DACH2: variants seen among roughly 807,000 people sequenced by gnomAD.
DACH2 encodes the protein dachshund family transcription factor 2.
DACH2 carries 17 observed loss-of-function variants against 35.8 expected under a neutral mutation model. The observed-to-expected ratio is 0.48, with a 90% CI of 0.33 to 0.71. The LOEUF is 0.71. DACH2 is among the 30% of genes least tolerant of loss of function. DACH2 has a pLI of 0.02. For synonymous variants in DACH2, 195 were observed against 177.3 expected (o/e 1.10, Z -0.79); for missense variants, 469 against 472.7 (o/e 0.99, Z 0.07).
chrX:86,257,181 G>A (rs931245696), intron 1 of DACH2, among the ~76,000 whole-genome samples: 24 of 111,223 alleles, frequency 2.2e-4, no homozygotes, highest in African/African-American at 7.8e-4. Flanking sequence ...CGTATTGATT[G>A]TATTTTTAGG....
chrX:86,653,848 G>A (rs1479878793), intron 4 of DACH2, among the ~76,000 whole-genome samples: 1 of 109,021 alleles, frequency 9.2e-6, no homozygotes, highest in East Asian at 2.9e-4. Flanking sequence ...TGTACTTTTA[G>A]TAGAGAAGGG....
intron 3 of DACH2, among the ~76,000 whole-genome samples, chrX:86,576,378 T>A (rs1022532120): frequency 3.6e-5 from 4 of 112,089 alleles, no homozygotes; most frequent in Admixed American, 9.5e-5. Flanking sequence ...GCATCCTTTT[T>A]AAAAACATAC....
At chrX:86,303,728 C>CTATATA (rs35224476) in intron 1 of DACH2, among the ~76,000 whole-genome samples, 1,585 of 105,911 alleles carry the variant, frequency 0.015, 16 homozygotes, top group African/African-American at 0.022. Context: ...TGTGAACATA[C>CTATATA]TATATATATA....
chrX:86,528,065 A>T (rs2038659355), intron 3 of DACH2, among the ~76,000 whole-genome samples: 1 of 111,472 alleles, frequency 9.0e-6, no homozygotes, highest in African/African-American at 3.3e-5. Context: ...AGGGCATATT[A>T]TCTGGGGATG....
chrX:86,400,380 G>T (rs1393955008), intron 2 of DACH2, among the ~76,000 whole-genome samples: 2 of 111,247 alleles, frequency 1.8e-5, no homozygotes, highest in African/African-American at 3.3e-5. Context: ...CTCTCAACTT[G>T]TCAAAGTCAT....
At chrX:86,441,922 G>T (rs2037170302) in intron 2 of DACH2, among the ~76,000 whole-genome samples, 1 of 106,938 alleles carries the variant, frequency 9.4e-6, no homozygotes, top group African/African-American at 3.4e-5. Flanking sequence ...TTGCTCTGTT[G>T]TGCAGTCTAG....
At chrX:86,748,945 G>A (rs918374202) in intron 7 of DACH2, among the ~76,000 whole-genome samples, 21 of 111,591 alleles carry the variant, frequency 1.9e-4, no homozygotes, top group African/African-American at 6.8e-4. Context: ...ATCCACACTC[G>A]CTGCTTCACC....
At chrX:86,428,941 A>G (rs1005016350) in intron 2 of DACH2, among the ~76,000 whole-genome samples, 2 of 111,325 alleles carry the variant, frequency 1.8e-5, no homozygotes, top group African/African-American at 3.3e-5. Flanking sequence ...ATAAAATTGT[A>G]TATACACGAT....
chrX:86,192,241 T>C (rs963839632), intron 1 of DACH2, among the ~76,000 whole-genome samples: 1 of 112,078 alleles, frequency 8.9e-6, no homozygotes, highest in Non-Finnish European at 1.9e-5. Flanking sequence ...TGGCATTTTG[T>C]GCTTGTGACT....
chrX:86,813,635 A>G (rs1455930046), intron 9 of DACH2, among the ~76,000 whole-genome samples: 2 of 54,287 alleles, frequency 3.7e-5, no homozygotes, highest in African/African-American at 1.1e-4. Context: ...AATAATGGTA[A>G]TAATAATAAT....
chrX:86,337,801 C>T (rs2035340082), intron 1 of DACH2, among the ~76,000 whole-genome samples: 1 of 111,550 alleles, frequency 9.0e-6, no homozygotes, highest in South Asian at 3.7e-4. Flanking sequence ...CATCAGTGTG[C>T]TGTATTCAGG....
chrX:86,795,976 T>C (rs2042233159), intron 7 of DACH2, among the ~76,000 whole-genome samples: 1 of 111,154 alleles, frequency 9.0e-6, no homozygotes, highest in Non-Finnish European at 1.9e-5. Context: ...AGCAGCAAGA[T>C]TTATTGTGAA....
At chrX:86,816,126 T>C in intron 11 of DACH2, 27 bp downstream of exon 11, 1 of 1,087,671 alleles carries the variant, frequency 9.2e-7, no homozygotes, top group Non-Finnish European at 1.2e-6. Flanking sequence ...ACTTCTTTCT[T>C]TGACTGCTTA....
chrX:86,808,404 T>C (rs2042364467), intron 7 of DACH2, among the ~76,000 whole-genome samples: 1 of 111,788 alleles, frequency 8.9e-6, no homozygotes, highest in African/African-American at 3.2e-5. Flanking sequence ...GCTTTCTGTT[T>C]TCATTTATCT....
At chrX:86,529,336 C>T (rs1255215973) in intron 3 of DACH2, among the ~76,000 whole-genome samples, 4 of 110,648 alleles carry the variant, frequency 3.6e-5, no homozygotes, top group African/African-American at 1.3e-4. Context: ...TGAGCCACTG[C>T]ACCTGGCCTT....
intron 6 of DACH2, among the ~76,000 whole-genome samples, chrX:86,731,937 T>A (rs1355270355): frequency 8.9e-6 from 1 of 112,373 alleles, no homozygotes; most frequent in Non-Finnish European, 1.9e-5. Context: ...ATAGCAACAC[T>A]GCCCGTAATG....
intron 4 of DACH2, among the ~76,000 whole-genome samples, chrX:86,681,081 T>C (rs2040876547): frequency 9.0e-6 from 1 of 111,651 alleles, no homozygotes; most frequent in East Asian, 2.8e-4. Context: ...TCTATATGTC[T>C]GACTCCTTTC....
At chrX:86,219,254 A>AT (rs2032646840) in intron 1 of DACH2, among the ~76,000 whole-genome samples, 17 of 109,965 alleles carry the variant, frequency 1.5e-4, no homozygotes, top group African/African-American at 5.4e-4. Context: ...TTTTCCATGA[A>AT]ATTTTTTTTT....
At chrX:86,523,534 A>C (rs774096574) in intron 3 of DACH2, among the ~76,000 whole-genome samples, 11 of 111,743 alleles carry the variant, frequency 9.8e-5, no homozygotes, top group South Asian at 3.7e-4. Context: ...AAAGACAATC[A>C]CACAGGAGAT....
Sources: allele counts gnomAD v4.1 joint callset (sites outside exome capture counted in the v4.1 genomes callset), GRCh38; gene constraint gnomAD v4.1.1; transcripts MANE v1.5; gene names NCBI Gene and HGNC (gene_info 2026-07-23, HGNC 2026-07-21).